KIAA0586: variants seen among roughly 807,000 people sequenced by gnomAD.
The protein encoded by KIAA0586 is KIAA0586.
In KIAA0586, 144 loss-of-function variants were observed where a neutral mutation model predicts 169.8. The observed-to-expected ratio is 0.85, with a 90% CI of 0.74 to 0.97. The LOEUF (loss-of-function observed/expected upper bound fraction) is 0.97, where lower values mean the gene tolerates loss of function less well. Ranked by LOEUF, KIAA0586 falls within the 50% of genes least tolerant of loss-of-function variation. The pLI is 0.00. For missense variants in KIAA0586, 1,854 were observed against 1,823.0 expected (o/e 1.02, Z -0.31); for synonymous variants, 625 against 612.4 (o/e 1.02, Z -0.30).
chr14:58,509,292 C>T (rs905631502), intron 28 of KIAA0586, among the ~76,000 whole-genome samples: 1 of 152,104 alleles, frequency 6.6e-6, no homozygotes, highest in African/African-American at 2.4e-5. Context: ...ATTTACATCT[C>T]TGTATCTGCA....
the KIAA0586 span, among the ~76,000 whole-genome samples, chr14:58,560,948 A>G: frequency 1.3e-5 from 2 of 152,212 alleles, no homozygotes; most frequent in African/African-American, 2.4e-5. Flanking sequence ...AAACTTCCCA[A>G]TAAGAAAAGG....
downstream of KIAA0586, among the ~76,000 whole-genome samples, chr14:58,555,602 C>A (rs1479533343): frequency 6.6e-6 from 1 of 152,202 alleles, no homozygotes; most frequent in Non-Finnish European, 1.5e-5. Flanking sequence ...TATTCTACCA[C>A]TTCCTGATCG....
intron 29 of KIAA0586, among the ~76,000 whole-genome samples, chr14:58,535,197 T>TA (rs1411352485): frequency 6.6e-6 from 1 of 152,242 alleles, no homozygotes; most frequent in African/African-American, 2.4e-5. Flanking sequence ...CATGCTTTTA[T>TA]AAAGAATGAT....
intron 28 of KIAA0586, among the ~76,000 whole-genome samples, chr14:58,512,183 C>T (rs2044435943): frequency 6.6e-6 from 1 of 152,088 alleles, no homozygotes; most frequent in Non-Finnish European, 1.5e-5. Flanking sequence ...AAATTAAGTT[C>T]TTATCCTGTC....
chr14:58,472,268 G>A lies in KIAA0586; in HGVS notation c.2623G>A (p.Asp875Asn), dbSNP rs770913768. ...FPGTNFDEIIDVIQEEEKCDE... is the reference protein window; with the variant it reads ...FPGTNFDEIINVIQEEEKCDE... ...AGGAACTAACTTTGATGAAATAATC[G>A]ATGTCATACAGGTAACAAAGCTTAG... Residue 875 changes from aspartate (D) to asparagine (N), a missense_variant, in exon 18 of 31, where the codon GAT becomes AAT. Physicochemically the swap from Asp to Asn is conservative, Grantham distance 23. Coordinates refer to ENST00000652326, the MANE Select transcript of KIAA0586 (RefSeq NM_001329943.3). The A allele has an allele frequency of 5.2e-6, 8 of 1,552,130 alleles. No individual in the cohort carries two copies. In the African/African-American group the frequency reaches 6.9e-5, roughly 13 times the overall value.
At chr14:58,455,588 G>A (rs1259815983) in intron 9 of KIAA0586, among the ~76,000 whole-genome samples, 1 of 152,154 alleles carries the variant, frequency 6.6e-6, no homozygotes, top group African/African-American at 2.4e-5. Flanking sequence ...TCTCTGTTTT[G>A]TTAGCTTAGT....
At position 58,498,927 on chromosome 14, in the gene KIAA0586, A is replaced by G. The variant is rs765831727; in HGVS notation, c.4135A>G (p.Lys1379Glu). The change falls in exon 27 of 31, where the codon AAA (lysine) becomes GAA (glutamate). Residue 1379 changes from lysine to glutamate, a missense_variant. Lys to Glu is a moderately conservative substitution (Grantham distance 56, BLOSUM62 1). Coordinates refer to ENST00000652326, the MANE Select transcript of KIAA0586 (RefSeq NM_001329943.3). ...TQSLDQQCDP[K>E]PLSRQFDTVS... ...GTCTTTGGATCAACAATGTGATCCTAAACCATTATCTCGGCAATTTGACAC... is the reference window on the plus strand; with the variant it reads ...GTCTTTGGATCAACAATGTGATCCTGAACCATTATCTCGGCAATTTGACAC... 1.1e-5 allele frequency: 18 copies of G among 1,608,884 alleles called. No individual in the cohort carries two copies. Among genetic ancestry groups the G allele is most frequent in the Non-Finnish European group, 1.5e-5 (18 of 1,177,740 alleles).
chr14:58,468,435 A>C (rs554793712), intron 16 of KIAA0586, among the ~76,000 whole-genome samples: 1 of 152,332 alleles, frequency 6.6e-6, no homozygotes, highest in South Asian at 2.1e-4. Context: ...TAGGCCAATG[A>C]CTTATATACA....
At chr14:58,449,695 T>G (rs1384779455) in intron 7 of KIAA0586, among the ~76,000 whole-genome samples, 1 of 152,184 alleles carries the variant, frequency 6.6e-6, no homozygotes, top group Non-Finnish European at 1.5e-5. Flanking sequence ...GAACTCAGCT[T>G]TCAGTATGAC....
chr14:58,554,059 C>T (rs2047231325), downstream of KIAA0586, among the ~76,000 whole-genome samples: 1 of 152,106 alleles, frequency 6.6e-6, no homozygotes, highest in Non-Finnish European at 1.5e-5. Flanking sequence ...GGTCATGTGT[C>T]TCTCATTATC....
chr14:58,547,139 G>A (rs2047030788), intron 30 of KIAA0586, among the ~76,000 whole-genome samples: 1 of 144,740 alleles, frequency 6.9e-6, no homozygotes, highest in Non-Finnish European at 1.5e-5. Context: ...TTACATGGCT[G>A]ATATCTTACC....
At chr14:58,438,815 G>A (rs1049672201) in intron 4 of KIAA0586, among the ~76,000 whole-genome samples, 1 of 152,148 alleles carries the variant, frequency 6.6e-6, no homozygotes, top group African/African-American at 2.4e-5. Flanking sequence ...GCAGAGTGAG[G>A]CAAAGTGTGG....
Position 58,453,456 on chromosome 14 carries a change from T to C in KIAA0586, c.1236T>C (p.Thr412=). 1 of 1,513,786 alleles carries C rather than the reference T, an allele frequency of 6.6e-7. No individual in the cohort carries two copies. Among genetic ancestry groups the C allele is most frequent in the Non-Finnish European group, 8.8e-7 (1 of 1,134,476 alleles). The allele number at this position is 1,513,786 out of a possible 1,614,324, so 93.8% of individuals were successfully genotyped here. A position where few individuals can be genotyped will look rare whatever the true frequency, so the allele number is the denominator to read the frequency against. Residue 412 remains threonine (T), a synonymous_variant, in exon 9 of 31, where the codon ACT becomes ACC. Coordinates refer to ENST00000652326, the MANE Select transcript of KIAA0586 (RefSeq NM_001329943.3). ...TSLTRSKIGW[T]PEKTNRFPSC... is the part of the protein sequence containing the mutation. ...TAACTAGGTCAAAAATAGGATGGACTCCTGAGAAAACAAACAGGTAAAAAC... is the reference window on the plus strand; with the variant it reads ...TAACTAGGTCAAAAATAGGATGGACCCCTGAGAAAACAAACAGGTAAAAAC...
intron 30 of KIAA0586, among the ~76,000 whole-genome samples, chr14:58,543,703 G>A (rs924390046): frequency 6.6e-6 from 1 of 152,170 alleles, no homozygotes; most frequent in Non-Finnish European, 1.5e-5. Flanking sequence ...TCATTTCAGA[G>A]TGAAACTTGG....
chr14:58,561,357 T>C, the KIAA0586 span, among the ~76,000 whole-genome samples: 1 of 152,242 alleles, frequency 6.6e-6, no homozygotes, highest in Non-Finnish European at 1.5e-5. Flanking sequence ...AATGAACATC[T>C]AGTGCAAGAC....
intron 21 of KIAA0586, among the ~76,000 whole-genome samples, chr14:58,486,220 CTGTT>C (rs902449965): frequency 5.3e-5 from 8 of 152,122 alleles, no homozygotes; most frequent in Non-Finnish European, 1.2e-4. Context: ...TTTTCTTCCT[CTGTT>C]TGTTTGTTCA....
intron 4 of KIAA0586, chr14:58,440,155 T>G: frequency 2.2e-6 from 1 of 445,582 alleles, no homozygotes; most frequent in Non-Finnish European, 4.5e-6. Flanking sequence ...AGTGCTAGGA[T>G]TACAGGCATG....
intron 3 of KIAA0586, 76 bp downstream of exon 3, chr14:58,430,793 A>C: frequency 1.3e-6 from 1 of 797,630 alleles, no homozygotes; most frequent in South Asian, 1.7e-5. Flanking sequence ...TAAAATGTAC[A>C]GTTCTGTGAC....
At chr14:58,465,106 T>C (rs1025548266) in intron 14 of KIAA0586, among the ~76,000 whole-genome samples, 2 of 152,188 alleles carry the variant, frequency 1.3e-5, no homozygotes, top group African/African-American at 2.4e-5. Flanking sequence ...ACTTATGAAT[T>C]GTTTATTTCT....
Sources: allele counts gnomAD v4.1 joint callset (sites outside exome capture counted in the v4.1 genomes callset), GRCh38; gene constraint gnomAD v4.1.1; transcripts MANE v1.5; gene names NCBI Gene and HGNC (gene_info 2026-07-23, HGNC 2026-07-21).